Variants in ADAM23 observed in about 807,000 individuals in gnomAD.
ADAM23 encodes the protein disintegrin and metalloproteinase domain-containing protein 23.
A neutral mutation model predicts 120.1 loss-of-function variants in ADAM23; 33 were observed. That is an observed-to-expected ratio of 0.27 (90% CI 0.21 to 0.37). The LOEUF is 0.37. ADAM23 is among the 10% of genes least tolerant of loss of function. The pLI is 1.00. For synonymous variants in ADAM23, 367 were observed against 375.2 expected (o/e 0.98, Z 0.25); for missense variants, 862 against 1,058.2 (o/e 0.81, Z 2.57).
At chr2:206,516,569 TAG>T (rs1574508541) in intron 3 of ADAM23, among the ~76,000 whole-genome samples, 3 of 151,268 alleles carry the variant, frequency 2.0e-5, no homozygotes, top group African/African-American at 2.4e-5. Flanking sequence ...CTTCATATGG[TAG>T]AGAGAGAGAG....
chr2:206,593,202 G>A (rs531188698), intron 22 of ADAM23, among the ~76,000 whole-genome samples: 44 of 152,258 alleles, frequency 2.9e-4, no homozygotes, highest in African/African-American at 9.4e-4. Context: ...TATGTATACC[G>A]ATAAGCAAAC....
intron 3 of ADAM23, among the ~76,000 whole-genome samples, chr2:206,491,359 A>G (rs1401484241): frequency 6.6e-6 from 1 of 152,174 alleles, no homozygotes; most frequent in Admixed American, 6.5e-5. Flanking sequence ...AAGTATGGCA[A>G]CTAAGAATTT....
rs1003896776 is a variant in ADAM23, at chr2:206,446,745, A to G, written c.432+1221A>G. 5.3e-5 allele frequency among the ~76,000 whole-genome samples: 8 copies of G among 152,196 alleles called. No homozygotes were observed. In the East Asian group the frequency reaches 9.7e-4, roughly 18 times the overall value. On this transcript the variant is annotated intron_variant, in intron 2 of 25. Transcript: ENST00000264377. ...TTCACATTATTTTGAAGTGGCTGCT[A>G]CCCACCGTGAGATAAATGTGTCTCT...
Position 206,619,076 on chromosome 2 carries a change from T to C in ADAM23, c.*1449T>C, listed in dbSNP as rs1019877746. ...CCTCAAAATATATATGGTAGAACCC[T>C]ATTGGAAAAGTGGTAATGGGAATAG... is the stretch of plus-strand genomic sequence containing the variant. On this transcript the variant is annotated 3_prime_UTR_variant, in exon 26 of 26. Coordinates refer to ENST00000264377, the MANE Select transcript of ADAM23 (RefSeq NM_003812.4). 1 of 152,234 alleles carries C rather than the reference T, an allele frequency of 6.6e-6. No individual in the cohort carries two copies. Among genetic ancestry groups the C allele is most frequent in the Non-Finnish European group, 1.5e-5 (1 of 68,042 alleles). 9.4% of individuals were successfully genotyped at this position (152,234 alleles called of 1,614,324 possible).
intron 10 of ADAM23, 21 bp from the exon 11 acceptor site, chr2:206,559,933 CT>C (rs1407037881): frequency 6.3e-7 from 1 of 1,594,658 alleles, no homozygotes; most frequent in Admixed American, 1.7e-5. Flanking sequence ...CCTCCTGCAC[CT>C]GTCCTGTTGT....
chr2:206,581,991 C>A (rs184848563), intron 18 of ADAM23, among the ~76,000 whole-genome samples: 2 of 152,146 alleles, frequency 1.3e-5, no homozygotes, highest in South Asian at 4.1e-4. Flanking sequence ...GATTCTCCTG[C>A]CTCAGCCTCC....
At chr2:206,579,423 T>G (rs188453553) in intron 18 of ADAM23, among the ~76,000 whole-genome samples, 112 of 152,278 alleles carry the variant, frequency 7.4e-4, no homozygotes, top group African/African-American at 2.5e-3. Context: ...AGGTGAGAGA[T>G]GAAGATCCAG....
chr2:206,486,146 T>G (rs927597913), intron 3 of ADAM23, among the ~76,000 whole-genome samples: 3 of 152,184 alleles, frequency 2.0e-5, no homozygotes, highest in Admixed American at 2.0e-4. Context: ...GCAGTAAGCA[T>G]GGAAGAGACA....
chr2:206,588,587 A>G (rs72956639), intron 20 of ADAM23, among the ~76,000 whole-genome samples: 5,127 of 152,282 alleles, frequency 0.034, 123 homozygotes, highest in Non-Finnish European at 0.051. Context: ...TTACTGTCTC[A>G]CTTCAAAGTG....
At chr2:206,550,508 A>G (rs918487514) in intron 9 of ADAM23, among the ~76,000 whole-genome samples, 8 of 151,848 alleles carry the variant, frequency 5.3e-5, no homozygotes, top group East Asian at 1.9e-4. Context: ...TTTTCTTACT[A>G]GTTAATTATG....
At chr2:206,530,780 C>G (rs1422596749) in intron 3 of ADAM23, 105 bp from the exon 4 acceptor site, 1 of 715,130 alleles carries the variant, frequency 1.4e-6, no homozygotes, top group Non-Finnish European at 2.3e-6. Context: ...TGGACTGCAG[C>G]TATTTCTGGT....
chr2:206,505,581 A>AG (rs1696480795), intron 3 of ADAM23, among the ~76,000 whole-genome samples: 1 of 152,106 alleles, frequency 6.6e-6, no homozygotes, highest in Non-Finnish European at 1.5e-5. Flanking sequence ...AAGAGAGAGA[A>AG]GGGGGAGGTT....
chr2:206,490,332 A>G (rs1696106749), intron 3 of ADAM23, among the ~76,000 whole-genome samples: 1 of 152,226 alleles, frequency 6.6e-6, no homozygotes, highest in Admixed American at 6.5e-5. Flanking sequence ...ATCCTTAGCA[A>G]ACTAATACAC....
rs1699002139 is a variant in ADAM23, at chr2:206,619,504, C to G, written c.*1877C>G. 1 of 114,378 alleles carries G rather than the reference C, an allele frequency of 8.7e-6. No individual in the cohort carries two copies. The highest frequency in any genetic ancestry group is 1.9e-5 in the Non-Finnish European group (1 of 53,388). The allele number at this position is 114,378 out of a possible 1,614,324, so 7.1% of individuals were successfully genotyped here. On this transcript the variant is annotated 3_prime_UTR_variant, in exon 26 of 26. Coordinates refer to ENST00000264377, the MANE Select transcript of ADAM23 (RefSeq NM_003812.4). ...ACTGTCCCAAAGAGCCCCTACTTCT[C>G]TAATGCCCCCCCCCTTTTTTTTTTA...
chr2:206,595,017 C>G lies in ADAM23; in HGVS notation c.2247+112C>G, dbSNP rs989615289. The stretch of plus-strand genomic sequence containing the variant: ...CCAACATGGTGAAACACCATCTCTA[C>G]TAAAAATGCAAAAAATAGCTGGGCG... On this transcript the variant is annotated intron_variant, in intron 23 of 25. Coordinates refer to ENST00000264377, the MANE Select transcript of ADAM23 (RefSeq NM_003812.4). 2.8e-5 allele frequency: 39 copies of G among 1,394,922 alleles called. No homozygotes were observed. In the African/African-American group the frequency reaches 4.0e-4, roughly 14 times the overall value. 86.4% of individuals were successfully genotyped at this position (1,394,922 alleles called of 1,614,324 possible).
intron 2 of ADAM23, among the ~76,000 whole-genome samples, chr2:206,475,918 A>G (rs1695764288): frequency 6.6e-6 from 1 of 152,206 alleles, no homozygotes; most frequent in Non-Finnish European, 1.5e-5. Context: ...GAAATAAAAT[A>G]CTTCCTGAAA....
intron 24 of ADAM23, chr2:206,607,072 T>C (rs1243372563): frequency 6.6e-6 from 1 of 152,224 alleles, no homozygotes; most frequent in Non-Finnish European, 1.5e-5. Context: ...AGGTTCATAG[T>C]TCACACCTTG....
chr2:206,468,588 A>G (rs1328522098), intron 2 of ADAM23, among the ~76,000 whole-genome samples: 1 of 152,084 alleles, frequency 6.6e-6, no homozygotes, highest in Non-Finnish European at 1.5e-5. Flanking sequence ...TAACCATTCA[A>G]CTAGTCTCTA....
intron 23 of ADAM23, among the ~76,000 whole-genome samples, chr2:206,595,505 G>T (rs1004433539): frequency 6.6e-6 from 1 of 152,026 alleles, no homozygotes; most frequent in African/African-American, 2.4e-5. Flanking sequence ...GGGAATCCTT[G>T]TTGGGCAGGG....
Sources: gnomAD v4.1 joint callset for allele counts (sites outside exome capture counted in the v4.1 genomes callset) on GRCh38, gnomAD v4.1.1 for gene constraint, MANE v1.5 for transcripts, NCBI Gene and HGNC (gene_info 2026-07-23, HGNC 2026-07-21) for gene names.